APC: variants seen among roughly 807,000 people sequenced by gnomAD.
The protein encoded by APC is APC regulator of Wnt signaling pathway.
In APC, 72 loss-of-function variants were observed where a neutral mutation model predicts 247.0. That is an observed-to-expected ratio of 0.29 (90% confidence interval 0.24 to 0.35). APC has a LOEUF of 0.35. Ranked by LOEUF, APC falls within the 10% of genes least tolerant of loss-of-function variation. The pLI is 1.00. For synonymous variants in APC, 1,254 were observed against 1,162.5 expected, an observed-to-expected ratio of 1.08 and a Z score of -1.60; for missense variants, 3,400 against 3,360.7, an observed-to-expected ratio of 1.01 and a Z score of -0.29.
chr5:112,837,252 C>G (rs530696667), intron 15 of APC, among the ~76,000 whole-genome samples: 2 of 152,256 alleles, frequency 1.3e-5, no homozygotes, highest in African/African-American at 4.8e-5. Flanking sequence ...AATTGGGAAA[C>G]TGTTATATGA....
chr5:112,838,328 T>C lies in APC; in HGVS notation c.2734T>C (p.Leu912=), dbSNP rs1389210454. 1 of 1,614,200 alleles carries C rather than the reference T, an allele frequency of 6.2e-7. No individual in the cohort carries two copies. Among genetic ancestry groups the C allele is most frequent in the South Asian group, 1.1e-5 (1 of 91,084 alleles). The change falls in exon 16 of 16, where the codon TTA becomes CTA. Residue 912 remains leucine, a synonymous_variant. Coordinates refer to ENST00000257430, the MANE Select transcript of APC (RefSeq NM_000038.6). ...EDRSSGSTTE[L]HCVTDERNAL... ...CAGAAGTTCTGGGTCTACCACTGAA[T>C]TACATTGTGTGACAGATGAGAGAAA...
At position 112,843,087 on chromosome 5, in the gene APC, C is replaced by G. The variant is rs1561615959; in HGVS notation, c.7493C>G (p.Ser2498Cys). 3.7e-6 allele frequency: 6 copies of G among 1,614,088 alleles called. No homozygotes were observed. Among genetic ancestry groups the G allele is most frequent in the South Asian group, 3.3e-5 (3 of 91,088 alleles). ...GATATGTCTCTATCCACACATTCGT[C>G]TGTTCAGGCTGGTGGATGGCGAAAA... ...LPDMSLSTHS[S>C]VQAGGWRKLP... is the part of the protein sequence containing the mutation. The change falls in exon 16 of 16, where the codon TCT (serine) becomes TGT (cysteine). Residue 2498 changes from serine (S) to cysteine (C), a missense_variant. Coordinates refer to ENST00000257430, the MANE Select transcript of APC (RefSeq NM_000038.6). The surrounding 1 kb of genome is among the most constrained non-coding windows in gnomAD (Gnocchi z 4.8).
intron 14 of APC, chr5:112,829,355 G>A (rs1034225909): frequency 5.0e-5 from 11 of 218,686 alleles, no homozygotes; most frequent in Admixed American, 2.1e-4. Flanking sequence ...GGCTGGTCTC[G>A]AACTACTCCT....
intron 15 of APC, among the ~76,000 whole-genome samples, chr5:112,837,136 T>C (rs1351731369): frequency 6.6e-6 from 1 of 152,254 alleles, no homozygotes; most frequent in Admixed American, 6.5e-5. Context: ...CAATTCTATC[T>C]ACCTCTTCCA....
chr5:112,728,357 C>G (rs1433043371), intron 1 of APC, among the ~76,000 whole-genome samples: 1 of 152,088 alleles, frequency 6.6e-6, no homozygotes, highest in African/African-American at 2.4e-5. Context: ...CTCTTGAACT[C>G]CTGACCTCAA....
upstream of APC, among the ~76,000 whole-genome samples, chr5:112,734,126 G>A (rs1474018243): frequency 2.0e-5 from 3 of 152,150 alleles, no homozygotes; most frequent in Admixed American, 6.5e-5. Context: ...TTAGGAGTTC[G>A]AGGTTACAGG....
intron 8 of APC, among the ~76,000 whole-genome samples, chr5:112,802,788 G>A (rs534967933): frequency 5.3e-5 from 8 of 152,142 alleles, no homozygotes; most frequent in African/African-American, 1.7e-4. Flanking sequence ...GGAAATCATA[G>A]CGAGATTCCA....
chr5:112,841,981 G>T lies in APC; in HGVS notation c.6387G>T (p.Ser2129=), dbSNP rs374310157. The change falls in exon 16 of 16, where the codon TCG becomes TCT. Residue 2129 remains serine, a synonymous_variant. Transcript: ENST00000257430. The surrounding 1 kb of genome is among the most constrained non-coding windows in gnomAD (Gnocchi z 4.6). Reference sequence around the variant, plus strand: ...CTGCATGTTTATCTAGACAAGCTTCGTCTGATTCAGATTCCATCCTTTCCC... The same window carrying T: ...CTGCATGTTTATCTAGACAAGCTTCTTCTGATTCAGATTCCATCCTTTCCC... ...AAAACLSRQA[S]SDSDSILSLK... The T allele has an allele frequency of 6.2e-7, 1 of 1,612,896 alleles. No homozygotes were observed. The highest frequency in any genetic ancestry group is 8.5e-7 in the Non-Finnish European group (1 of 1,179,000).
intron 8 of APC, among the ~76,000 whole-genome samples, chr5:112,813,675 C>A (rs1350742331): frequency 6.6e-6 from 1 of 151,500 alleles, no homozygotes; most frequent in Non-Finnish European, 1.5e-5. Flanking sequence ...CCCGGCTACT[C>A]TGGAGGCTGA....
chr5:112,786,058 A>T (rs1416745094), intron 6 of APC, among the ~76,000 whole-genome samples: 2 of 152,218 alleles, frequency 1.3e-5, no homozygotes, highest in Non-Finnish European at 2.9e-5. Flanking sequence ...AAGAATTCCT[A>T]CAAATGAATA....
At position 112,821,975 on chromosome 5, in the gene APC, T is replaced by C. The variant is rs1057524073; in HGVS notation, c.1392T>C (p.His464=). 12 of 1,611,106 alleles carry C rather than the reference T, an allele frequency of 7.4e-6. No homozygotes were observed. The Admixed American group carries it at 8.3e-5, about 11-fold the overall frequency. The change falls in exon 11 of 16, where the codon CAT becomes CAC. Residue 464 remains histidine, a synonymous_variant. Coordinates refer to ENST00000257430, the MANE Select transcript of APC (RefSeq NM_000038.6). ...TTTCATTTGATGAAGAGCATAGACATGCAATGAATGAACTAGGTAAGACAA... is the reference window on the plus strand; with the variant it reads ...TTTCATTTGATGAAGAGCATAGACACGCAATGAATGAACTAGGTAAGACAA... ...MKLSFDEEHR[H]AMNELGGLQA...
intron 8 of APC, among the ~76,000 whole-genome samples, chr5:112,806,085 A>T (rs1157475175): frequency 5.3e-5 from 8 of 152,034 alleles, no homozygotes; most frequent in African/African-American, 7.2e-5. Context: ...TACCTGTTCC[A>T]TGTAGTGTTT....
chr5:112,827,105 T>A lies in APC; in HGVS notation c.1409-3T>A. The stretch of plus-strand genomic sequence containing the variant: ...CTTTTTCCTCTTGCCCTTTTTAAAT[T>A]AGGGGGACTACAGGCCATTGCAGAA... On this transcript the variant is annotated splice_region_variant and splice_polypyrimidine_tract_variant and intron_variant, in intron 11 of 15. Coordinates refer to ENST00000257430, the MANE Select transcript of APC (RefSeq NM_000038.6). 1 of 1,613,556 alleles carries A rather than the reference T, an allele frequency of 6.2e-7. No homozygotes were observed. The highest frequency in any genetic ancestry group is 8.5e-7 in the Non-Finnish European group (1 of 1,179,774).
At chr5:112,758,556 A>G (rs1008956166) in intron 2 of APC, among the ~76,000 whole-genome samples, 2 of 151,800 alleles carry the variant, frequency 1.3e-5, no homozygotes, top group Non-Finnish European at 1.5e-5. Context: ...CGAACTCCTG[A>G]CCTCGTGATC....
chr5:112,711,407 C>T (rs1750840494), intron 1 of APC, among the ~76,000 whole-genome samples: 1 of 152,208 alleles, frequency 6.6e-6, no homozygotes, highest in Admixed American at 6.5e-5. Flanking sequence ...TTGGGGACTG[C>T]TGCCTTAGAT....
upstream of APC, among the ~76,000 whole-genome samples, chr5:112,735,529 T>A (rs977106239): frequency 2.7e-5 from 4 of 149,112 alleles, no homozygotes; most frequent in African/African-American, 1.0e-4. Context: ...GTATATGTAG[T>A]GTAAATAACA....
chr5:112,734,192 C>G (rs1752247705), upstream of APC, among the ~76,000 whole-genome samples: 1 of 152,166 alleles, frequency 6.6e-6, no homozygotes, highest in South Asian at 2.1e-4. Flanking sequence ...GACCTCGTCC[C>G]TGAAAAAATG....
intron 1 of APC, chr5:112,738,578 G>C: frequency 1.2e-6 from 1 of 814,902 alleles, no homozygotes; most frequent in Non-Finnish European, 1.5e-6. Context: ...ACAGATACCA[G>C]TGTCTTTGTT....
At chr5:112,757,993 T>C (rs931568975) in intron 2 of APC, among the ~76,000 whole-genome samples, 2 of 152,230 alleles carry the variant, frequency 1.3e-5, no homozygotes, top group African/African-American at 4.8e-5. Context: ...GTATGATGCC[T>C]GAGCTTTATT....
Sources: allele counts gnomAD v4.1 joint callset (sites outside exome capture counted in the v4.1 genomes callset), GRCh38; gene constraint gnomAD v4.1.1; non-coding constraint Gnocchi (gnomAD v3.1); transcripts MANE v1.5; gene names NCBI Gene and HGNC (gene_info 2026-07-23, HGNC 2026-07-21).